The following SNTG2 variants were observed in gnomAD, a reference collection of about 807,000 sequenced individuals.
SNTG2 encodes syntrophin gamma 2, also known as gamma-2-syntrophin.
A neutral mutation model predicts 70.9 loss-of-function variants in SNTG2; 74 were observed. The ratio of observed to expected loss-of-function variants is 1.04; its 90% CI spans 0.86 to 1.27. The LOEUF (loss-of-function observed/expected upper bound fraction) is 1.27, where lower values mean the gene tolerates loss of function less well. Among genes scored for constraint, SNTG2 ranks in the 50% most tolerant of loss-of-function variants. The pLI, the probability that SNTG2 is intolerant of heterozygous loss-of-function variation, is 0.00. For synonymous variants in SNTG2, 278 were observed against 273.8 expected (o/e 1.02, Z -0.15); for missense variants, 717 against 690.7 (o/e 1.04, Z -0.43).
At chr2:1,217,017 A>C (rs1308639387) in intron 9 of SNTG2, among the ~76,000 whole-genome samples, 1 of 152,110 alleles carries the variant, frequency 6.6e-6, no homozygotes, top group Non-Finnish European at 1.5e-5. Flanking sequence ...GAATATGAGC[A>C]GGGGGACTTC....
At chr2:1,190,537 A>G (rs1051768125) in intron 8 of SNTG2, among the ~76,000 whole-genome samples, 2 of 109,162 alleles carry the variant, frequency 1.8e-5, no homozygotes, top group Admixed American at 1.1e-4. Context: ...ATATATATAT[A>G]TATGACATAT....
At chr2:1,139,383 C>T (rs1668605213) in intron 6 of SNTG2, among the ~76,000 whole-genome samples, 1 of 152,160 alleles carries the variant, frequency 6.6e-6, no homozygotes, top group Non-Finnish European at 1.5e-5. Context: ...AGACGCCCAC[C>T]ACCATGCCTG....
At chr2:1,356,417 T>C (rs1665538288) in intron 16 of SNTG2, among the ~76,000 whole-genome samples, 1 of 152,214 alleles carries the variant, frequency 6.6e-6, no homozygotes, top group Admixed American at 6.5e-5. Context: ...TATCCAGTTT[T>C]CACAGCACTA....
At chr2:1,084,159 G>T (rs915177260) in intron 2 of SNTG2, among the ~76,000 whole-genome samples, 1 of 152,152 alleles carries the variant, frequency 6.6e-6, no homozygotes. Flanking sequence ...TACGTTCTAG[G>T]CTGGCCCTTT....
chr2:1,137,708 A>G (rs765508231), intron 5 of SNTG2, 43 bp downstream of exon 5: 4 of 1,613,250 alleles, frequency 2.5e-6, no homozygotes, highest in Non-Finnish European at 3.4e-6. Context: ...TTGCATTTTT[A>G]TTTTTAACTT....
intron 8 of SNTG2, among the ~76,000 whole-genome samples, chr2:1,187,446 T>G (rs779487589): frequency 2.4e-4 from 37 of 152,182 alleles, no homozygotes; most frequent in Admixed American, 2.1e-3. Context: ...CTGCTGCTCT[T>G]TGGGCTTAAA....
chr2:1,326,084 C>T (rs543641091), intron 16 of SNTG2, among the ~76,000 whole-genome samples: 25 of 152,306 alleles, frequency 1.6e-4, no homozygotes, highest in Non-Finnish European at 2.8e-4. Flanking sequence ...CCACCTGCCT[C>T]AGCCTCCCAA....
At chr2:968,561 T>TA (rs1660640703) in intron 1 of SNTG2, among the ~76,000 whole-genome samples, 2 of 152,198 alleles carry the variant, frequency 1.3e-5, no homozygotes, top group African/African-American at 4.8e-5. Context: ...GGTGGAGTCT[T>TA]ATGTTTCTGA....
At chr2:1,287,152 C>T (rs1054239116) in intron 14 of SNTG2, among the ~76,000 whole-genome samples, 13 of 152,178 alleles carry the variant, frequency 8.5e-5, no homozygotes, top group African/African-American at 3.1e-4. Flanking sequence ...GAGTCACCTG[C>T]CCCTCATTCT....
At chr2:1,202,768 T>A (rs1673356738) in intron 8 of SNTG2, among the ~76,000 whole-genome samples, 1 of 152,144 alleles carries the variant, frequency 6.6e-6, no homozygotes, top group Admixed American at 6.5e-5. Flanking sequence ...AAAATATCAG[T>A]CTATTAATGT....
intron 8 of SNTG2, among the ~76,000 whole-genome samples, chr2:1,182,684 A>G (rs1187487989): frequency 6.6e-6 from 1 of 152,214 alleles, no homozygotes; most frequent in Non-Finnish European, 1.5e-5. Flanking sequence ...ACTTTACAGC[A>G]TCTTTGTCGA....
intron 8 of SNTG2, among the ~76,000 whole-genome samples, chr2:1,203,801 G>A (rs1277177258): frequency 6.6e-6 from 1 of 151,098 alleles, no homozygotes; most frequent in Admixed American, 6.6e-5. Flanking sequence ...TTAACAAATC[G>A]AAAGAAGGAT....
intron 6 of SNTG2, among the ~76,000 whole-genome samples, chr2:1,161,997 C>T (rs1351818491): frequency 7.3e-6 from 1 of 136,854 alleles, no homozygotes; most frequent in Admixed American, 9.0e-5. Flanking sequence ...TTGTGTGAAC[C>T]CGGGAGGCGG....
chr2:1,167,442 T>A (rs6742256), intron 7 of SNTG2, among the ~76,000 whole-genome samples: 36 of 38,668 alleles, frequency 9.3e-4, no homozygotes, highest in Admixed American at 2.2e-3. Context: ...CCCACAGACG[T>A]CAGAACTGAA....
At chr2:1,367,216 T>C in intron 16 of SNTG2, 127 bp from the exon 17 acceptor site, 1 of 856,524 alleles carries the variant, frequency 1.2e-6, no homozygotes. Context: ...CATACATATT[T>C]CCTGTCTATT....
At chr2:1,154,925 A>G (rs1415190826) in intron 6 of SNTG2, among the ~76,000 whole-genome samples, 1 of 146,934 alleles carries the variant, frequency 6.8e-6, no homozygotes, top group East Asian at 2.0e-4. Context: ...ACACAACACA[A>G]AAACATACAC....
intron 16 of SNTG2, among the ~76,000 whole-genome samples, chr2:1,359,911 C>G (rs1050881724): frequency 2.6e-5 from 4 of 152,080 alleles, no homozygotes; most frequent in African/African-American, 9.7e-5. Flanking sequence ...TTTACTTTGT[C>G]CATATCTTCT....
At chr2:1,350,381 C>T (rs1660513168) in intron 16 of SNTG2, among the ~76,000 whole-genome samples, 1 of 152,128 alleles carries the variant, frequency 6.6e-6, no homozygotes, top group East Asian at 1.9e-4. Context: ...AGGAGGTTGC[C>T]CTGCAACACA....
chr2:1,178,567 G>T (rs1671639059), intron 8 of SNTG2, among the ~76,000 whole-genome samples: 1 of 152,072 alleles, frequency 6.6e-6, no homozygotes, highest in South Asian at 2.1e-4. Flanking sequence ...TAATCATGTG[G>T]TTTTTGTCAT....
Sources: gnomAD v4.1 joint callset for allele counts (sites outside exome capture counted in the v4.1 genomes callset) on GRCh38, gnomAD v4.1.1 for gene constraint, MANE v1.5 for transcripts, NCBI Gene and HGNC (gene_info 2026-07-23, HGNC 2026-07-21) for gene names.